The following ATP8A2 variants were observed in gnomAD, a reference collection of about 807,000 sequenced individuals.
The protein encoded by ATP8A2 is phospholipid-transporting ATPase IB.
Under a neutral mutation model 165.6 loss-of-function variants are expected in ATP8A2, and 100 were observed. The observed-to-expected ratio is 0.60, with a 90% CI of 0.51 to 0.71. The LOEUF (loss-of-function observed/expected upper bound fraction) is 0.71, where lower values mean the gene tolerates loss of function less well. Among genes scored for constraint, ATP8A2 ranks in the 30% least tolerant of loss-of-function variants. The probability of loss-of-function intolerance (pLI) is 0.00; values close to 1 mark genes in which losing one functional copy is unlikely to be tolerated. For synonymous variants in ATP8A2, 543 were observed against 548.8 expected, an observed-to-expected ratio of 0.99 and a Z score of 0.15; for missense variants, 1,227 against 1,479.5, an observed-to-expected ratio of 0.83 and a Z score of 2.80.
At chr13:25,731,541 G>A (rs1593263149) in intron 25 of ATP8A2, among the ~76,000 whole-genome samples, 1 of 152,120 alleles carries the variant, frequency 6.6e-6, no homozygotes, top group African/African-American at 2.4e-5. Flanking sequence ...TTTTATTTGG[G>A]GTAAATGTTG....
intron 33 of ATP8A2, among the ~76,000 whole-genome samples, chr13:25,867,013 C>T (rs757931323): frequency 3.2e-4 from 49 of 152,246 alleles, no homozygotes; most frequent in Non-Finnish European, 7.1e-4. Flanking sequence ...TGCTGCTTTT[C>T]CTTTAAAGTT....
intron 24 of ATP8A2, among the ~76,000 whole-genome samples, chr13:25,674,815 G>A (rs2042339930): frequency 6.6e-6 from 1 of 152,200 alleles, no homozygotes. Flanking sequence ...CAGAATGGGA[G>A]TGGTATTGAA....
At chr13:25,946,705 A>G (rs1253070925) in intron 33 of ATP8A2, among the ~76,000 whole-genome samples, 1 of 151,890 alleles carries the variant, frequency 6.6e-6, no homozygotes, top group Non-Finnish European at 1.5e-5. Context: ...TTTTAGGTAA[A>G]AATAAATTAT....
At chr13:25,882,021 G>A (rs1952992858) in intron 33 of ATP8A2, among the ~76,000 whole-genome samples, 1 of 152,170 alleles carries the variant, frequency 6.6e-6, no homozygotes, top group Non-Finnish European at 1.5e-5. Context: ...GAGCCTGGAA[G>A]GACTCGCCTG....
At chr13:25,976,257 C>T (rs1470365149) in intron 35 of ATP8A2, among the ~76,000 whole-genome samples, 2 of 152,092 alleles carry the variant, frequency 1.3e-5, no homozygotes, top group African/African-American at 4.8e-5. Context: ...ATGCCATGGA[C>T]TTATTCATTA....
chr13:25,511,116 AT>A (rs1791066038), intron 2 of ATP8A2, among the ~76,000 whole-genome samples: 1 of 152,202 alleles, frequency 6.6e-6, no homozygotes. Context: ...GAACTCTCTT[AT>A]AGATGCAGAT....
At chr13:25,595,914 T>C (rs925186177) in intron 24 of ATP8A2, among the ~76,000 whole-genome samples, 2 of 151,924 alleles carry the variant, frequency 1.3e-5, no homozygotes, top group African/African-American at 4.8e-5. Context: ...TGTGTCCTCA[T>C]TCAGGTTCTT....
chr13:25,976,928 C>T (rs1956057124), intron 35 of ATP8A2, among the ~76,000 whole-genome samples: 1 of 152,292 alleles, frequency 6.6e-6, no homozygotes, highest in Admixed American at 6.5e-5. Context: ...GCTGGGATTA[C>T]AGGCACCCGC....
In ATP8A2 at chr13:26,013,999, G is replaced by A. The variant is rs577168010; in HGVS notation, c.3469+1377G>A. On this transcript the variant is annotated intron_variant, in intron 36 of 36. Coordinates refer to ENST00000381655, the MANE Select transcript of ATP8A2 (RefSeq NM_016529.6). ...AAGCAGAGGCTCAGGTCAGAAAGTG[G>A]GTGGCCCAGCATTGCTCAGTGGCAT... Among the ~76,000 whole-genome samples, 12 of 152,284 alleles carry A rather than the reference G, an allele frequency of 7.9e-5. No homozygotes were observed. The East Asian group carries it at 2.3e-3, about 29-fold the overall frequency.
intron 24 of ATP8A2, among the ~76,000 whole-genome samples, chr13:25,689,597 T>C (rs964359932): frequency 6.6e-6 from 1 of 152,240 alleles, no homozygotes; most frequent in Admixed American, 6.5e-5. Flanking sequence ...TTGAAAATGT[T>C]AATCCCCAAA....
chr13:25,390,654 G>A (rs2033210781), intron 1 of ATP8A2, among the ~76,000 whole-genome samples: 1 of 152,160 alleles, frequency 6.6e-6, no homozygotes, highest in South Asian at 2.1e-4. Context: ...ATCCGGCCAG[G>A]TGCAGTGGCT....
At chr13:25,622,770 T>C (rs1396849330) in intron 24 of ATP8A2, among the ~76,000 whole-genome samples, 1 of 152,260 alleles carries the variant, frequency 6.6e-6, no homozygotes, top group African/African-American at 2.4e-5. Flanking sequence ...CCCCAAGATA[T>C]CTCATAATGT....
chr13:25,908,372 GA>G (rs1240096371), intron 33 of ATP8A2, among the ~76,000 whole-genome samples: 1 of 152,184 alleles, frequency 6.6e-6, no homozygotes. Flanking sequence ...GATTACAGAG[GA>G]AATGAGAATT....
At chr13:26,016,047 T>A (rs1369727844) in intron 36 of ATP8A2, among the ~76,000 whole-genome samples, 1 of 152,140 alleles carries the variant, frequency 6.6e-6, no homozygotes, top group Non-Finnish European at 1.5e-5. Flanking sequence ...CAGCTCTAAC[T>A]CCCGCCAGGC....
intron 35 of ATP8A2, among the ~76,000 whole-genome samples, chr13:25,994,418 A>G (rs1284529178): frequency 6.6e-6 from 1 of 152,132 alleles, no homozygotes. Context: ...AGTGTTGAAT[A>G]AAAGTGGTGA....
At chr13:25,798,835 C>T (rs1343786977) in intron 27 of ATP8A2, among the ~76,000 whole-genome samples, 3 of 152,046 alleles carry the variant, frequency 2.0e-5, no homozygotes, top group Non-Finnish European at 4.4e-5. Flanking sequence ...TTACCTCTAT[C>T]CTCTTAGGGT....
At chr13:25,377,239 A>T (rs1484998717) in intron 1 of ATP8A2, among the ~76,000 whole-genome samples, 15 of 152,260 alleles carry the variant, frequency 9.9e-5, no homozygotes, top group African/African-American at 3.6e-4. Context: ...CTTCTGGTCA[A>T]TACCACACTG....
At chr13:25,717,068 A>G (rs1456232578) in intron 25 of ATP8A2, among the ~76,000 whole-genome samples, 1 of 152,226 alleles carries the variant, frequency 6.6e-6, no homozygotes, top group African/African-American at 2.4e-5. Flanking sequence ...TATACATGCC[A>G]CTATCACCAG....
intron 2 of ATP8A2, among the ~76,000 whole-genome samples, chr13:25,479,155 C>A (rs1390389359): frequency 1.3e-5 from 2 of 152,146 alleles, no homozygotes; most frequent in Non-Finnish European, 2.9e-5. Context: ...CCATAAAATT[C>A]TTTAGCATGA....
Sources: allele counts gnomAD v4.1 joint callset (sites outside exome capture counted in the v4.1 genomes callset), GRCh38; gene constraint gnomAD v4.1.1; transcripts MANE v1.5; gene names NCBI Gene and HGNC (gene_info 2026-07-23, HGNC 2026-07-21).